Variants in FGD4 observed in about 807,000 individuals in gnomAD.
FGD4 encodes the protein FYVE, RhoGEF and PH domain-containing protein 4.
A neutral mutation model predicts 102.0 loss-of-function variants in FGD4; 42 were observed. That is an observed-to-expected ratio of 0.41 (90% CI 0.32 to 0.53). The LOEUF (loss-of-function observed/expected upper bound fraction) is 0.53. FGD4 is among the 20% of genes least tolerant of loss of function. The pLI is 0.21. For missense variants in FGD4, 902 were observed against 1,078.2 expected (o/e 0.84, Z 2.29); for synonymous variants, 380 against 375.7 (o/e 1.01, Z -0.13).
chr12:32,401,049 T>C (rs1266668091), intron 1 of FGD4, among the ~76,000 whole-genome samples: 1 of 152,202 alleles, frequency 6.6e-6, no homozygotes, highest in East Asian at 1.9e-4. Context: ...TTTCCTTGTC[T>C]TCAAAATGAG....
At chr12:32,423,008 C>T (rs983770033) in intron 1 of FGD4, among the ~76,000 whole-genome samples, 12 of 152,124 alleles carry the variant, frequency 7.9e-5, no homozygotes, top group African/African-American at 2.7e-4. Flanking sequence ...GATTTAAACC[C>T]CTGCTCTTAA....
chr12:32,413,955 A>G (rs1941302054), intron 1 of FGD4, among the ~76,000 whole-genome samples: 1 of 150,218 alleles, frequency 6.7e-6, no homozygotes, highest in Non-Finnish European at 1.5e-5. Context: ...AGCGAAGGTC[A>G]GAGAGACCTT....
chr12:32,443,057 G>A (rs1166997602), intron 1 of FGD4, among the ~76,000 whole-genome samples: 1 of 152,130 alleles, frequency 6.6e-6, no homozygotes, highest in Non-Finnish European at 1.5e-5. Flanking sequence ...AATTCTTTAT[G>A]CATTTTGGAT....
At chr12:32,606,019 CT>C (rs988590667) in intron 7 of FGD4, among the ~76,000 whole-genome samples, 2 of 152,058 alleles carry the variant, frequency 1.3e-5, no homozygotes, top group Non-Finnish European at 2.9e-5. Context: ...ATCAACTAAC[CT>C]AGTTTAGAAT....
rs66646521 is a variant in FGD4, at chr12:32,552,434, A to ATTTTTTTTTT, written c.167-11687_167-11678dup. Among the ~76,000 whole-genome samples, 18 of 121,002 alleles carry ATTTTTTTTTT rather than the reference A, an allele frequency of 1.5e-4. 1 individual carries two copies. The highest frequency in any genetic ancestry group is 5.5e-4 in the East Asian group (2 of 3,634). The allele number at this position is 121,002 out of a possible 152,430, so 79.4% of individuals were successfully genotyped here. On this transcript the variant is annotated intron_variant, in intron 1 of 16. Coordinates refer to ENST00000534526, the MANE Select transcript of FGD4 (RefSeq NM_001370298.3). ...GCCGCCATGCCCGACTAATTTTTGC[A>ATTTTTTTTTT]TTTTTTTTTTTTTTTTTTTTTTTTT... is the stretch of plus-strand genomic sequence containing the variant.
rs79973043 is a variant in FGD4, at chr12:32,562,368, T to G, written c.167-1769T>G. 6.0e-3 allele frequency among the ~76,000 whole-genome samples: 907 copies of G among 152,370 alleles called. 3 individuals carry two copies. Among genetic ancestry groups the G allele is most frequent in the Non-Finnish European group, 8.5e-3 (580 of 68,032 alleles). On this transcript the variant is annotated intron_variant, in intron 1 of 16. Coordinates refer to ENST00000534526, the MANE Select transcript of FGD4 (RefSeq NM_001370298.3). ...AAAAGTGTTTCTATGCTTAGTCTTG[T>G]AACTATGACTGTTTTTGTTTTATGG...
chr12:32,555,021 G>T (rs4931636), intron 1 of FGD4, among the ~76,000 whole-genome samples: 48,326 of 152,144 alleles, frequency 0.32, 9,110 homozygotes, highest in African/African-American at 0.51. Context: ...TTTTAAAAGG[G>T]TCTCTCTGGT....
intron 3 of FGD4, among the ~76,000 whole-genome samples, chr12:32,577,025 A>C (rs1265090123): frequency 1.3e-5 from 2 of 152,178 alleles, no homozygotes; most frequent in Non-Finnish European, 2.9e-5. Context: ...ATGTATGCTA[A>C]ATTTCAGTTT....
At chr12:32,419,009 T>TG (rs1314406028) in intron 1 of FGD4, among the ~76,000 whole-genome samples, 6 of 152,080 alleles carry the variant, frequency 3.9e-5, no homozygotes, top group Admixed American at 2.6e-4. Flanking sequence ...CACTGGCTTA[T>TG]GGGGGGGTTC....
chr12:32,477,287 CA>C (rs754686282), intron 1 of FGD4: 178 of 121,498 alleles, frequency 1.5e-3, no homozygotes, highest in South Asian at 2.0e-3. Flanking sequence ...GACTCCGTCT[CA>C]AAAAAAAAAA....
At chr12:32,446,324 C>T (rs1313831929) in intron 1 of FGD4, among the ~76,000 whole-genome samples, 1 of 151,978 alleles carries the variant, frequency 6.6e-6, no homozygotes, top group Non-Finnish European at 1.5e-5. Flanking sequence ...GTGTTTGTGT[C>T]GCCCAGCCCC....
intron 1 of FGD4, among the ~76,000 whole-genome samples, chr12:32,489,625 T>C (rs1944023540): frequency 6.6e-6 from 1 of 152,220 alleles, no homozygotes; most frequent in Non-Finnish European, 1.5e-5. Context: ...TGATGATTGA[T>C]TCTGAGTGAT....
chr12:32,520,161 A>G (rs901397861), intron 1 of FGD4, among the ~76,000 whole-genome samples: 4 of 152,186 alleles, frequency 2.6e-5, no homozygotes, highest in Admixed American at 2.0e-4. Flanking sequence ...CTTTAGGACG[A>G]TGAATCTCTC....
At chr12:32,532,699 C>T (rs1263854419) in intron 1 of FGD4, among the ~76,000 whole-genome samples, 1 of 152,014 alleles carries the variant, frequency 6.6e-6, no homozygotes, top group Non-Finnish European at 1.5e-5. Context: ...CTGGTTTTTA[C>T]ATTACTGAAA....
At chr12:32,462,566 T>G (rs182089481) in intron 1 of FGD4, among the ~76,000 whole-genome samples, 1 of 135,846 alleles carries the variant, frequency 7.4e-6, no homozygotes, top group Non-Finnish European at 1.5e-5. Flanking sequence ...TTATACATTC[T>G]GATTTTTTTT....
chr12:32,400,052 C>T, intron 1 of FGD4, 93 bp downstream of exon 1: 4 of 1,389,414 alleles, frequency 2.9e-6, no homozygotes, highest in South Asian at 1.6e-5. Context: ...CCCTCTCGTC[C>T]CCCGCTGCGG....
chr12:32,463,528 T>C (rs1943166829), intron 1 of FGD4, among the ~76,000 whole-genome samples: 1 of 152,242 alleles, frequency 6.6e-6, no homozygotes, highest in Non-Finnish European at 1.5e-5. Flanking sequence ...AATGCCTTCA[T>C]TTGGAGAAAC....
At chr12:32,537,520 C>T (rs530172123) in intron 1 of FGD4, among the ~76,000 whole-genome samples, 24 of 152,268 alleles carry the variant, frequency 1.6e-4, no homozygotes, top group African/African-American at 5.1e-4. Flanking sequence ...ATTCCCATCT[C>T]TTTCAAAGGA....
At chr12:32,639,047 T>G (rs1951013712) in intron 16 of FGD4, 1 of 1,004,034 alleles carries the variant, frequency 1.0e-6, no homozygotes. Flanking sequence ...AAAAGATGAG[T>G]TGAATTAGGA....
Sources: allele counts gnomAD v4.1 joint callset (sites outside exome capture counted in the v4.1 genomes callset), GRCh38; gene constraint gnomAD v4.1.1; transcripts MANE v1.5; gene names NCBI Gene and HGNC (gene_info 2026-07-23, HGNC 2026-07-21).